Variants in DAB1 observed in about 807,000 individuals in gnomAD.
The protein encoded by DAB1 is DAB adaptor protein 1.
DAB1 carries 15 observed loss-of-function variants against 64.6 expected under a neutral mutation model. The observed-to-expected ratio is 0.23, with a 90% CI of 0.16 to 0.36. DAB1 has a LOEUF of 0.36. Among genes scored for constraint, DAB1 ranks in the 10% least tolerant of loss-of-function variants. The probability of loss-of-function intolerance (pLI) is 1.00; values close to 1 mark genes in which losing one functional copy is unlikely to be tolerated. For missense variants in DAB1, 596 were observed against 706.7 expected (o/e 0.84, Z 1.78); for synonymous variants, 235 against 251.9 (o/e 0.93, Z 0.64).
chr1:58,492,816 C>T (rs547228211), intron 3 of DAB1, among the ~76,000 whole-genome samples: 1 of 152,286 alleles, frequency 6.6e-6, no homozygotes, highest in African/African-American at 2.4e-5. Context: ...GATGGATTCA[C>T]AGCCGAATTC....
chr1:57,274,055 A>C (rs997596727), intron 2 of DAB1, among the ~76,000 whole-genome samples: 8 of 152,220 alleles, frequency 5.3e-5, no homozygotes, highest in African/African-American at 1.9e-4. Flanking sequence ...GATTTCACCC[A>C]TCGAGATGGA....
intron 9 of DAB1, among the ~76,000 whole-genome samples, chr1:57,050,651 C>A (rs1649094359): frequency 6.6e-6 from 1 of 152,182 alleles, no homozygotes; most frequent in Admixed American, 6.5e-5. Flanking sequence ...CATTAAACTC[C>A]TTCAGGCAAA....
chr1:58,187,189 C>T (rs530460180), intron 4 of DAB1, among the ~76,000 whole-genome samples: 6 of 151,742 alleles, frequency 4.0e-5, no homozygotes, highest in African/African-American at 7.3e-5. Context: ...CCAGGCACAG[C>T]GGCTCATGCC....
intron 2 of DAB1, among the ~76,000 whole-genome samples, chr1:57,186,471 A>G (rs1663574171): frequency 2.0e-5 from 3 of 152,210 alleles, no homozygotes; most frequent in Admixed American, 1.3e-4. Flanking sequence ...ATGGATCTTC[A>G]TGTGAATCAG....
At chr1:57,475,062 C>T (rs922654511) in intron 7 of DAB1, among the ~76,000 whole-genome samples, 26 of 152,136 alleles carry the variant, frequency 1.7e-4, no homozygotes, top group African/African-American at 6.0e-4. Context: ...GAGCTCGAGA[C>T]CAGTCCGTCC....
chr1:57,378,189 A>G (rs1681062886), intron 1 of DAB1, among the ~76,000 whole-genome samples: 1 of 151,942 alleles, frequency 6.6e-6, no homozygotes, highest in Admixed American at 6.6e-5. Flanking sequence ...CAAACCTCCA[A>G]CTCTCTCAAG....
intron 6 of DAB1, among the ~76,000 whole-genome samples, chr1:57,743,451 C>A (rs1237376304): frequency 2.6e-5 from 4 of 152,196 alleles, no homozygotes; most frequent in Non-Finnish European, 4.4e-5. Flanking sequence ...AATCCATCAC[C>A]CTTTGCTGAC....
chr1:58,494,720 T>C (rs1345368514), intron 3 of DAB1, among the ~76,000 whole-genome samples: 4 of 152,072 alleles, frequency 2.6e-5, no homozygotes, highest in Non-Finnish European at 5.9e-5. Context: ...CACAATGAGA[T>C]ACCATCTCAC....
At chr1:58,036,573 A>T (rs1369074408) in intron 5 of DAB1, among the ~76,000 whole-genome samples, 1 of 152,216 alleles carries the variant, frequency 6.6e-6, no homozygotes, top group African/African-American at 2.4e-5. Flanking sequence ...TACTTTTATC[A>T]TCATAACAGT....
At chr1:57,731,995 T>C (rs1376762023) in intron 6 of DAB1, among the ~76,000 whole-genome samples, 1 of 152,106 alleles carries the variant, frequency 6.6e-6, no homozygotes, top group Admixed American at 6.5e-5. Flanking sequence ...CAGGACTTCA[T>C]GTGATTTTTA....
chr1:58,415,375 T>C (rs1644709630), intron 3 of DAB1: 1 of 241,412 alleles, frequency 4.1e-6, no homozygotes, highest in Non-Finnish European at 6.7e-6. Flanking sequence ...TCACAACTTT[T>C]ACGATTTACT....
intron 3 of DAB1, among the ~76,000 whole-genome samples, chr1:58,460,901 G>C (rs1645237417): frequency 2.0e-5 from 3 of 152,318 alleles, no homozygotes; most frequent in Admixed American, 1.3e-4. Flanking sequence ...GTGCCCCATG[G>C]TGCAGAGGAG....
intron 3 of DAB1, among the ~76,000 whole-genome samples, chr1:58,455,833 C>T (rs6587815): frequency 0.016 from 2,412 of 152,258 alleles, 68 homozygotes; most frequent in African/African-American, 0.055. Context: ...TCTTTCCTTC[C>T]TCTCCCTCTA....
intron 4 of DAB1, among the ~76,000 whole-genome samples, chr1:57,123,672 C>G (rs2100759774): frequency 6.6e-6 from 1 of 152,150 alleles, no homozygotes; most frequent in East Asian, 1.9e-4. Context: ...ACCTGCATGG[C>G]TAACAATATG....
intron 2 of DAB1, among the ~76,000 whole-genome samples, chr1:57,160,777 T>C (rs1175630069): frequency 1.3e-5 from 2 of 152,150 alleles, no homozygotes; most frequent in Non-Finnish European, 2.9e-5. Context: ...TCACTACAAT[T>C]GAGGAAATAA....
At chr1:57,669,217 G>A (rs1488724564) in intron 6 of DAB1, among the ~76,000 whole-genome samples, 3 of 152,086 alleles carry the variant, frequency 2.0e-5, no homozygotes, top group African/African-American at 7.2e-5. Context: ...AGAAAGATGA[G>A]ACAGGAAGAG....
intron 4 of DAB1, among the ~76,000 whole-genome samples, chr1:58,210,763 T>C (rs749710595): frequency 1.3e-5 from 2 of 152,170 alleles, no homozygotes; most frequent in Non-Finnish European, 2.9e-5. Context: ...TGAGCATAAC[T>C]TACTTTCCTG....
intron 4 of DAB1, among the ~76,000 whole-genome samples, chr1:58,195,652 A>G (rs548379680): frequency 6.6e-6 from 1 of 152,354 alleles, no homozygotes; most frequent in South Asian, 2.1e-4. Flanking sequence ...TATTCTAAGT[A>G]TATGATTCAG....
At chr1:57,588,613 T>A (rs1041502855) in intron 7 of DAB1, among the ~76,000 whole-genome samples, 3 of 152,214 alleles carry the variant, frequency 2.0e-5, no homozygotes, top group African/African-American at 7.2e-5. Flanking sequence ...GAAAATCATT[T>A]GAATCTTGGC....
Sources: gnomAD v4.1 joint callset for allele counts (sites outside exome capture counted in the v4.1 genomes callset) on GRCh38, gnomAD v4.1.1 for gene constraint, MANE v1.5 for transcripts, NCBI Gene and HGNC (gene_info 2026-07-23, HGNC 2026-07-21) for gene names.